The following GALNT13 variants were observed in gnomAD, a reference collection of about 807,000 sequenced individuals.
GALNT13 encodes the protein UDP-GalNAc:polypeptide N-acetylgalactosaminyltransferase 13.
In GALNT13, 28 loss-of-function variants were observed where a neutral mutation model predicts 64.2. The observed-to-expected ratio is 0.44, with a 90% CI of 0.32 to 0.60. The LOEUF (loss-of-function observed/expected upper bound fraction) is 0.60. Ranked by LOEUF, GALNT13 falls within the 20% of genes least tolerant of loss-of-function variation. The pLI, the probability that GALNT13 is intolerant of heterozygous loss-of-function variation, is 0.05. For missense variants in GALNT13, 577 were observed against 669.8 expected (o/e 0.86, Z 1.53); for synonymous variants, 214 against 224.6 (o/e 0.95, Z 0.42).
chr2:154,097,375 G>A (rs927243480), intron 3 of GALNT13, among the ~76,000 whole-genome samples: 1 of 151,974 alleles, frequency 6.6e-6, no homozygotes, highest in Non-Finnish European at 1.5e-5. Context: ...ACACCAATAG[G>A]TGGGAAGAAA....
intron 7 of GALNT13, among the ~76,000 whole-genome samples, chr2:154,256,967 C>T (rs1190614526): frequency 6.6e-6 from 1 of 152,080 alleles, no homozygotes; most frequent in Non-Finnish European, 1.5e-5. Context: ...TATTACAGGG[C>T]AGTTAACTTA....
chr2:153,162,596 A>C, the GALNT13 span, among the ~76,000 whole-genome samples: 6 of 152,190 alleles, frequency 3.9e-5, no homozygotes, highest in Non-Finnish European at 7.3e-5. Context: ...GAAACAGAGA[A>C]AATAGCTGAA....
intron 12 of GALNT13, chr2:154,446,827 T>C (rs1387401977): frequency 7.1e-7 from 1 of 1,410,136 alleles, no homozygotes; most frequent in African/African-American, 1.4e-5. Flanking sequence ...GTTATTGAAA[T>C]CTGGAAACTC....
At chr2:154,411,134 C>T (rs1230164171) in intron 11 of GALNT13, among the ~76,000 whole-genome samples, 2 of 151,730 alleles carry the variant, frequency 1.3e-5, no homozygotes, top group Non-Finnish European at 2.9e-5. Context: ...AAATAATGAG[C>T]TGTTATTTTC....
At chr2:154,167,559 C>A (rs1331816761) in intron 4 of GALNT13, among the ~76,000 whole-genome samples, 1 of 152,184 alleles carries the variant, frequency 6.6e-6, no homozygotes, top group Non-Finnish European at 1.5e-5. Flanking sequence ...AAAAACTTTT[C>A]TTTTACTCCT....
the GALNT13 span, among the ~76,000 whole-genome samples, chr2:153,724,584 A>G: frequency 8.9e-6 from 1 of 112,346 alleles, no homozygotes; most frequent in Non-Finnish European, 1.7e-5. Context: ...TCCAGAATCT[A>G]CAATGAACTC....
the GALNT13 span, among the ~76,000 whole-genome samples, chr2:153,240,789 G>A: frequency 6.6e-6 from 1 of 152,070 alleles, no homozygotes; most frequent in African/African-American, 2.4e-5. Context: ...CAGGGTGTCT[G>A]TAATGAGTAT....
intron 3 of GALNT13, among the ~76,000 whole-genome samples, chr2:154,126,214 G>T (rs1177713262): frequency 1.3e-5 from 2 of 152,128 alleles, no homozygotes; most frequent in East Asian, 3.9e-4. Context: ...CTAAAATCAT[G>T]GAGATGAATT....
chr2:153,575,772 C>T, the GALNT13 span, among the ~76,000 whole-genome samples: 1 of 152,086 alleles, frequency 6.6e-6, no homozygotes, highest in East Asian at 1.9e-4. Context: ...TGGCCCAGGG[C>T]AGGTCCAGAA....
chr2:153,693,290 C>A, the GALNT13 span, among the ~76,000 whole-genome samples: 5 of 152,172 alleles, frequency 3.3e-5, no homozygotes, highest in Non-Finnish European at 5.9e-5. Flanking sequence ...AAAGTCATGG[C>A]TGCTTCTTTG....
At chr2:154,066,246 A>G (rs1247556604) in intron 3 of GALNT13, among the ~76,000 whole-genome samples, 1 of 152,194 alleles carries the variant, frequency 6.6e-6, no homozygotes, top group Non-Finnish European at 1.5e-5. Flanking sequence ...TAGCCTCAGA[A>G]GGGCAAATCT....
chr2:153,950,478 G>A (rs982383113), intron 3 of GALNT13, among the ~76,000 whole-genome samples: 2 of 151,992 alleles, frequency 1.3e-5, no homozygotes, highest in African/African-American at 4.8e-5. Context: ...TGCTAAAGGT[G>A]ATGTGTCTCT....
chr2:153,910,583 T>G (rs755203521), intron 2 of GALNT13, among the ~76,000 whole-genome samples: 2 of 152,166 alleles, frequency 1.3e-5, no homozygotes, highest in Non-Finnish European at 2.9e-5. Flanking sequence ...GTGCTTCAAA[T>G]TTTCATCTTA....
chr2:153,343,365 A>G, the GALNT13 span, among the ~76,000 whole-genome samples: 1 of 152,176 alleles, frequency 6.6e-6, no homozygotes, highest in Non-Finnish European at 1.5e-5. Flanking sequence ...ATTAATAGCT[A>G]TTATGTTATT....
At chr2:153,240,429 C>G in the GALNT13 span, among the ~76,000 whole-genome samples, 2 of 151,958 alleles carry the variant, frequency 1.3e-5, no homozygotes, top group Non-Finnish European at 2.9e-5. Context: ...TGGGGCTCAT[C>G]CAGGATTGCT....
chr2:153,786,556 C>T, the GALNT13 span, among the ~76,000 whole-genome samples: 1 of 151,946 alleles, frequency 6.6e-6, no homozygotes, highest in Non-Finnish European at 1.5e-5. Flanking sequence ...TAGGGCTACA[C>T]TGAGCTTACA....
chr2:153,562,447 GTCT>G, the GALNT13 span, among the ~76,000 whole-genome samples: 1 of 152,002 alleles, frequency 6.6e-6, no homozygotes, highest in Admixed American at 6.6e-5. Flanking sequence ...CACTGTGTCT[GTCT>G]TCTTTATTAT....
chr2:153,797,332 G>A, the GALNT13 span, among the ~76,000 whole-genome samples: 1 of 152,154 alleles, frequency 6.6e-6, no homozygotes, highest in South Asian at 2.1e-4. Context: ...TCCATAAATG[G>A]TTAGAAAGAA....
At chr2:154,144,500 G>T (rs575183594) in intron 4 of GALNT13, among the ~76,000 whole-genome samples, 1 of 152,096 alleles carries the variant, frequency 6.6e-6, no homozygotes, top group African/African-American at 2.4e-5. Flanking sequence ...ATTAATTTAC[G>T]AAGAAGCTGA....
Sources: allele counts gnomAD v4.1 joint callset (sites outside exome capture counted in the v4.1 genomes callset), GRCh38; gene constraint gnomAD v4.1.1; transcripts MANE v1.5; gene names NCBI Gene and HGNC (gene_info 2026-07-23, HGNC 2026-07-21).